The following SEMA3E variants were observed in gnomAD, a reference collection of about 807,000 sequenced individuals.
The protein encoded by SEMA3E is semaphorin 3E.
SEMA3E carries 49 observed loss-of-function variants against 93.6 expected under a neutral mutation model. The ratio of observed to expected loss-of-function variants is 0.52; its 90% CI spans 0.42 to 0.66. The LOEUF (loss-of-function observed/expected upper bound fraction) is 0.66, where lower values mean the gene tolerates loss of function less well. Ranked by LOEUF, SEMA3E falls within the 30% of genes least tolerant of loss-of-function variation. The pLI, the probability that SEMA3E is intolerant of heterozygous loss-of-function variation, is 0.00. For missense variants in SEMA3E, 906 were observed against 964.8 expected, an observed-to-expected ratio of 0.94 and a Z score of 0.81; for synonymous variants, 363 against 330.7, an observed-to-expected ratio of 1.10 and a Z score of -1.06.
intron 1 of SEMA3E, among the ~76,000 whole-genome samples, chr7:83,525,784 GTTT>G (rs35792837): frequency 0.6 from 77,313 of 128,248 alleles, 25,775 homozygotes; most frequent in Middle Eastern, 0.76. Flanking sequence ...GTTTGTTTGG[GTTT>G]TTTTTTTTTT....
At chr7:83,589,828 C>T (rs1347500922) in intron 1 of SEMA3E, among the ~76,000 whole-genome samples, 1 of 152,008 alleles carries the variant, frequency 6.6e-6, no homozygotes. Context: ...TTGGATCATT[C>T]AAATATGAAT....
At chr7:83,432,856 C>G (rs139049192) in intron 4 of SEMA3E, among the ~76,000 whole-genome samples, 59 of 152,136 alleles carry the variant, frequency 3.9e-4, no homozygotes, top group African/African-American at 1.3e-3. Flanking sequence ...AAACATTGAT[C>G]AATACAGAAA....
At chr7:83,626,780 T>C (rs949551004) in intron 1 of SEMA3E, among the ~76,000 whole-genome samples, 12 of 152,206 alleles carry the variant, frequency 7.9e-5, no homozygotes, top group African/African-American at 2.7e-4. Context: ...CTTCTCCAAG[T>C]CTTTTAATTG....
At chr7:83,564,471 G>T (rs985721637) in intron 1 of SEMA3E, among the ~76,000 whole-genome samples, 5 of 151,992 alleles carry the variant, frequency 3.3e-5, no homozygotes, top group African/African-American at 1.2e-4. Context: ...CCATGGCCAA[G>T]TTTTACTGTG....
chr7:83,489,974 A>C (rs767449447), intron 2 of SEMA3E, 140 bp downstream of exon 2: 4 of 759,552 alleles, frequency 5.3e-6, no homozygotes, highest in Non-Finnish European at 8.5e-6. Context: ...AAATGATTTC[A>C]GTTTTAACTA....
chr7:83,492,087 T>A (rs1263492101), intron 1 of SEMA3E, among the ~76,000 whole-genome samples: 1 of 152,074 alleles, frequency 6.6e-6, no homozygotes, highest in African/African-American at 2.4e-5. Context: ...TTCTCAGTTT[T>A]AATGCACAGT....
At chr7:83,573,323 T>A (rs1373630787) in intron 1 of SEMA3E, among the ~76,000 whole-genome samples, 3 of 152,156 alleles carry the variant, frequency 2.0e-5, no homozygotes, top group African/African-American at 7.2e-5. Context: ...GTCTTCAGTA[T>A]TTTTTCAACT....
chr7:83,524,592 A>G (rs1005889891), intron 1 of SEMA3E, among the ~76,000 whole-genome samples: 11 of 152,114 alleles, frequency 7.2e-5, no homozygotes, highest in African/African-American at 2.7e-4. Flanking sequence ...GTGCTATTAA[A>G]ATATTGTGAC....
chr7:83,628,145 T>C (rs1793708774), intron 1 of SEMA3E, among the ~76,000 whole-genome samples: 1 of 152,184 alleles, frequency 6.6e-6, no homozygotes, highest in Non-Finnish European at 1.5e-5. Context: ...AATGTTGACC[T>C]CCACTCTCTT....
chr7:83,363,805 T>C lies in SEMA3E; in HGVS notation c.*3781A>G, dbSNP rs890170833. On this transcript the variant is annotated 3_prime_UTR_variant, in exon 17 of 17. Transcript: ENST00000643230. The stretch of plus-strand genomic sequence containing the variant: ...TCTTGGAATCCAAATATCTATACAA[T>C]ACTAAGTACTTTTCTTAATATGTTT... 1.3e-5 allele frequency: 2 copies of C among 148,232 alleles called. No individual in the cohort carries two copies. Among genetic ancestry groups the C allele is most frequent in the African/African-American group, 2.5e-5 (1 of 40,602 alleles). 9.2% of individuals were successfully genotyped at this position (148,232 alleles called of 1,614,324 possible). A position where few individuals can be genotyped will look rare whatever the true frequency, so the allele number is the denominator to read the frequency against.
chr7:83,405,355 T>C, intron 9 of SEMA3E, 95 bp downstream of exon 9: 1 of 874,152 alleles, frequency 1.1e-6, no homozygotes, highest in Non-Finnish European at 1.9e-6. Context: ...AGCAACTGGG[T>C]CAATAGTCTT....
chr7:83,460,454 C>T (rs1404764754), intron 4 of SEMA3E, among the ~76,000 whole-genome samples: 2 of 152,124 alleles, frequency 1.3e-5, no homozygotes, highest in East Asian at 2.0e-4. Context: ...GCAGCCTTCC[C>T]TTGGTGTTTA....
chr7:83,405,391 G>C, intron 9 of SEMA3E, 59 bp downstream of exon 9: 1 of 1,205,460 alleles, frequency 8.3e-7, no homozygotes, highest in Non-Finnish European at 1.2e-6. Context: ...CATGAAGGGA[G>C]AGTCCGGTGA....
intron 4 of SEMA3E, among the ~76,000 whole-genome samples, chr7:83,434,709 CTTTTTTTTTT>C (rs76539180): frequency 8.3e-6 from 1 of 120,174 alleles, no homozygotes; most frequent in Non-Finnish European, 1.7e-5. Context: ...AACTGTATTT[CTTTTTTTTTT>C]TTTTTTTTTT....
chr7:83,468,551 GT>G (rs757501000), intron 3 of SEMA3E, among the ~76,000 whole-genome samples: 3,457 of 146,290 alleles, frequency 0.024, 120 homozygotes, highest in African/African-American at 0.077. Context: ...CATTTATATA[GT>G]TTTTTTTTTT....
chr7:83,550,575 C>T (rs1284050305), intron 1 of SEMA3E, among the ~76,000 whole-genome samples: 2 of 152,054 alleles, frequency 1.3e-5, no homozygotes. Flanking sequence ...TATTATCTGA[C>T]ATTCATTTAT....
At chr7:83,541,492 A>ATT (rs1562825314) in intron 1 of SEMA3E, among the ~76,000 whole-genome samples, 2 of 151,828 alleles carry the variant, frequency 1.3e-5, no homozygotes, top group African/African-American at 4.8e-5. Flanking sequence ...TGGGAGCCTC[A>ATT]CTCTCTGTCA....
intron 1 of SEMA3E, among the ~76,000 whole-genome samples, chr7:83,555,121 G>A (rs1377236932): frequency 6.6e-6 from 1 of 151,954 alleles, no homozygotes; most frequent in Non-Finnish European, 1.5e-5. Flanking sequence ...ATTTCATTAA[G>A]TACTGCTTTT....
intron 1 of SEMA3E, among the ~76,000 whole-genome samples, chr7:83,646,318 A>T (rs918796598): frequency 1.1e-4 from 16 of 152,038 alleles, no homozygotes; most frequent in Non-Finnish European, 2.2e-4. Context: ...GTCTAGAGAG[A>T]TAAATGGGCT....
Sources: allele counts gnomAD v4.1 joint callset (sites outside exome capture counted in the v4.1 genomes callset), GRCh38; gene constraint gnomAD v4.1.1; transcripts MANE v1.5; gene names NCBI Gene and HGNC (gene_info 2026-07-23, HGNC 2026-07-21).